TYW3: variants seen among roughly 807,000 people sequenced by gnomAD.
The protein encoded by TYW3 is tRNA wybutosine-synthesizing protein 3 homolog.
Under a neutral mutation model 23.1 loss-of-function variants are expected in TYW3, and 26 were observed. The ratio of observed to expected loss-of-function variants is 1.13; its 90% CI spans 0.83 to 1.56. The LOEUF (loss-of-function observed/expected upper bound fraction) is 1.56. Among genes scored for constraint, TYW3 ranks in the 40% most tolerant of loss-of-function variants. The pLI, the probability that TYW3 is intolerant of heterozygous loss-of-function variation, is 0.00. For missense variants in TYW3, 316 were observed against 311.9 expected, an observed-to-expected ratio of 1.01 and a Z score of -0.10; for synonymous variants, 102 against 105.7, an observed-to-expected ratio of 0.97 and a Z score of 0.21.
chr1:74,739,091 T>C (rs920216380), intron 3 of TYW3, among the ~76,000 whole-genome samples: 2 of 152,208 alleles, frequency 1.3e-5, no homozygotes, highest in African/African-American at 4.8e-5. Context: ...GAAAAAATAC[T>C]GTGGAACTAC....
chr1:74,733,266 A>C lies in TYW3; in HGVS notation c.22A>C (p.Arg8=). Residue 8 remains arginine, a synonymous_variant, in exon 1 of 6, where the codon AGG becomes CGG. Coordinates refer to ENST00000370867, the MANE Select transcript of TYW3 (RefSeq NM_138467.3). Reference sequence around the variant, plus strand: ...ACCCATGGATCGCAGCGCGGAGTTCAGGAAATGGAAGGCGCAATGTTTGAG... The same window carrying C: ...ACCCATGGATCGCAGCGCGGAGTTCCGGAAATGGAAGGCGCAATGTTTGAG... MDRSAEF[R]KWKAQCLSKA... is the part of the protein sequence containing the mutation. The C allele has an allele frequency of 6.2e-7, 1 of 1,614,136 alleles. No homozygotes were observed. The highest frequency in any genetic ancestry group is 8.5e-7 in the Non-Finnish European group (1 of 1,180,006).
chr1:74,754,254 T>C (rs368923652), intron 5 of TYW3, among the ~76,000 whole-genome samples: 4 of 152,216 alleles, frequency 2.6e-5, no homozygotes, highest in African/African-American at 4.8e-5. Context: ...GTGAAGTTAA[T>C]TGAGCCACGT....
At position 74,733,175 on chromosome 1, in the gene TYW3, A is replaced by G. The variant is rs1557738903; in HGVS notation, c.-70A>G. Reference sequence around the variant, plus strand: ...ACCTTTTCGGCCACCGCTCGCTTCAATATGGCTGCCCCCAGGGAGAGACGA... The same window carrying G: ...ACCTTTTCGGCCACCGCTCGCTTCAGTATGGCTGCCCCCAGGGAGAGACGA... On this transcript the variant is annotated 5_prime_UTR_variant, in exon 1 of 6. Transcript: ENST00000370867. 2 of 1,559,774 alleles carry G rather than the reference A, an allele frequency of 1.3e-6. No individual in the cohort carries two copies. Among genetic ancestry groups the G allele is most frequent in the Non-Finnish European group, 1.7e-6 (2 of 1,153,634 alleles).
chr1:74,763,166 T>C (rs1649183759), intron 5 of TYW3, among the ~76,000 whole-genome samples: 1 of 152,058 alleles, frequency 6.6e-6, no homozygotes, highest in African/African-American at 2.4e-5. Context: ...TTTCTTTGAA[T>C]ATCTATTGTG....
chr1:74,749,816 C>T lies in TYW3; in HGVS notation c.426+994C>T, dbSNP rs139441248. On this transcript the variant is annotated intron_variant, in intron 4 of 5. Transcript: ENST00000370867. ...ACTAAAAATACAAAAATTAGCTGGG[C>T]GTGGTGGTGCGTAGCTGTGGTCCCA... Among the ~76,000 whole-genome samples the T allele has an allele frequency of 3.3e-5, 5 of 152,126 alleles. 1 individual carries two copies. The highest frequency in any genetic ancestry group is 7.2e-5 in the African/African-American group (3 of 41,488).
rs371388536 is a variant in TYW3, at chr1:74,742,335, C to A, written c.354+3547C>A. ...GCCATTTGATGCGTGTTTTCAATAC[C>A]CATGTGAACAGTTTCGTGGAGGGTT... On this transcript the variant is annotated intron_variant, in intron 3 of 5. Coordinates refer to ENST00000370867, the MANE Select transcript of TYW3 (RefSeq NM_138467.3). Among the ~76,000 whole-genome samples the A allele has an allele frequency of 1.4e-4, 21 of 152,246 alleles. No individual in the cohort carries two copies. The South Asian group carries it at 1.5e-3, about 11-fold the overall frequency.
At chr1:74,754,516 ATGTTG>A in intron 5 of TYW3, among the ~76,000 whole-genome samples, 2 of 152,252 alleles carry the variant, frequency 1.3e-5, no homozygotes, top group Non-Finnish European at 2.9e-5. Context: ...TACTCTTCTG[ATGTTG>A]AAAAGAGAAA....
At chr1:74,740,242 G>C (rs1313685514) in intron 3 of TYW3, among the ~76,000 whole-genome samples, 1 of 152,198 alleles carries the variant, frequency 6.6e-6, no homozygotes, top group East Asian at 1.9e-4. Flanking sequence ...CCTTCGCAGT[G>C]AGTGTTACAG....
At chr1:74,735,807 G>T (rs1184121041) in intron 1 of TYW3, among the ~76,000 whole-genome samples, 1 of 152,236 alleles carries the variant, frequency 6.6e-6, no homozygotes, top group Non-Finnish European at 1.5e-5. Context: ...AGGGCAGACA[G>T]CAGAGTCTCT....
chr1:74,749,703 A>G (rs1325728434), intron 4 of TYW3, among the ~76,000 whole-genome samples: 1 of 152,200 alleles, frequency 6.6e-6, no homozygotes, highest in East Asian at 1.9e-4. Context: ...GTGGTGGCTC[A>G]TGCTTGTAAT....
chr1:74,737,670 A>G (rs1373369517), intron 2 of TYW3, among the ~76,000 whole-genome samples: 1 of 152,200 alleles, frequency 6.6e-6, no homozygotes, highest in Non-Finnish European at 1.5e-5. Flanking sequence ...ACAATATTAC[A>G]TGTTTCACTA....
chr1:74,749,737 C>T (rs1479216317), intron 4 of TYW3, among the ~76,000 whole-genome samples: 2 of 151,876 alleles, frequency 1.3e-5, no homozygotes, highest in Admixed American at 6.6e-5. Flanking sequence ...GAGGCCAAGG[C>T]AGGCGAATCA....
intron 1 of TYW3, among the ~76,000 whole-genome samples, chr1:74,735,488 T>C (rs528672332): frequency 6.6e-6 from 1 of 152,308 alleles, no homozygotes; most frequent in South Asian, 2.1e-4. Context: ...TTACACCTCG[T>C]ATTATGGTTT....
At chr1:74,753,716 C>A (rs1245819418) in intron 5 of TYW3, among the ~76,000 whole-genome samples, 1 of 152,200 alleles carries the variant, frequency 6.6e-6, no homozygotes, top group Non-Finnish European at 1.5e-5. Context: ...ACAGGATAGC[C>A]ATTCTCCTTC....
intron 1 of TYW3, among the ~76,000 whole-genome samples, chr1:74,733,967 T>C (rs1445988307): frequency 7.1e-6 from 1 of 141,112 alleles, no homozygotes; most frequent in East Asian, 3.4e-4. Flanking sequence ...TAATTTAGGA[T>C]GGTTAGACTT....
Position 74,749,525 on chromosome 1 carries a change from C to G in TYW3, c.426+703C>G, listed in dbSNP as rs187132810. Reference sequence around the variant, plus strand: ...CTATTCTGATCTCCTGTGATATTTACTGTTTGGCATGGCATGTTTTTGAAC... The same window carrying G: ...CTATTCTGATCTCCTGTGATATTTAGTGTTTGGCATGGCATGTTTTTGAAC... On this transcript the variant is annotated intron_variant, in intron 4 of 5. Transcript: ENST00000370867. Among the ~76,000 whole-genome samples the G allele has an allele frequency of 1.4e-3, 206 of 152,306 alleles. 2 individuals carry two copies. Among genetic ancestry groups the G allele is most frequent in the African/African-American group, 4.9e-3 (202 of 41,556 alleles).
At chr1:74,744,589 C>T (rs1195177453) in intron 3 of TYW3, among the ~76,000 whole-genome samples, 1 of 152,132 alleles carries the variant, frequency 6.6e-6, no homozygotes, top group Non-Finnish European at 1.5e-5. Context: ...TGGCAATAGG[C>T]GATTGTCCCA....
At chr1:74,758,230 C>T (rs1649016016) in intron 5 of TYW3, among the ~76,000 whole-genome samples, 1 of 152,152 alleles carries the variant, frequency 6.6e-6, no homozygotes, top group Non-Finnish European at 1.5e-5. Flanking sequence ...ATGGCTTCAA[C>T]TAGTTCTGCT....
In TYW3 at chr1:74,758,982, C is replaced by A. The variant is rs185340216; in HGVS notation, c.561-4912C>A. On this transcript the variant is annotated intron_variant, in intron 5 of 5. Coordinates refer to ENST00000370867, the MANE Select transcript of TYW3 (RefSeq NM_138467.3). ...AGTTAACACATTATATTGAGTTCTC[C>A]AAAGGCAAAAACAGTTTCTTGTTCA... 5.8e-3 allele frequency among the ~76,000 whole-genome samples: 886 copies of A among 152,246 alleles called. 7 individuals carry two copies. The highest frequency in any genetic ancestry group is 8.7e-3 in the Non-Finnish European group (590 of 68,020).
Sources: allele counts gnomAD v4.1 joint callset (sites outside exome capture counted in the v4.1 genomes callset), GRCh38; gene constraint gnomAD v4.1.1; transcripts MANE v1.5; gene names NCBI Gene and HGNC (gene_info 2026-07-23, HGNC 2026-07-21).